MAST4: variants seen among roughly 807,000 people sequenced by gnomAD.
The protein encoded by MAST4 is microtubule associated serine/threonine kinase family member 4, also known as microtubule-associated serine/threonine-protein kinase 4.
MAST4 carries 89 observed loss-of-function variants against 162.7 expected under a neutral mutation model. The observed-to-expected ratio is 0.55, with a 90% CI of 0.46 to 0.65. The LOEUF (loss-of-function observed/expected upper bound fraction) is 0.65, where lower values mean the gene tolerates loss of function less well. Among genes scored for constraint, MAST4 ranks in the 30% least tolerant of loss-of-function variants. The pLI is 0.00. For synonymous variants in MAST4, 1,479 were observed against 1,361.1 expected (o/e 1.09, Z -1.91); for missense variants, 3,153 against 3,374.0 (o/e 0.93, Z 1.62).
chr5:67,005,575 A>G (rs1013669173), intron 4 of MAST4, among the ~76,000 whole-genome samples: 6 of 152,252 alleles, frequency 3.9e-5, no homozygotes, highest in Admixed American at 6.5e-5. Context: ...GCAGATCTAC[A>G]TAACTTTGTC....
intron 5 of MAST4, among the ~76,000 whole-genome samples, chr5:67,062,744 C>G (rs1293460940): frequency 6.6e-6 from 1 of 152,106 alleles, no homozygotes; most frequent in Non-Finnish European, 1.5e-5. Flanking sequence ...ACCACTGTTT[C>G]TTTAAAATAA....
chr5:66,991,919 T>G (rs927586451), intron 4 of MAST4, among the ~76,000 whole-genome samples: 1 of 152,206 alleles, frequency 6.6e-6, no homozygotes, highest in Non-Finnish European at 1.5e-5. Context: ...CAAGCAGTGT[T>G]ATTTGAAGGT....
intron 1 of MAST4, among the ~76,000 whole-genome samples, chr5:66,689,431 A>C (rs1748896866): frequency 1.3e-5 from 2 of 151,966 alleles, no homozygotes; most frequent in South Asian, 4.2e-4. Context: ...GCTTTTGCCT[A>C]CTCTTGCCAT....
In MAST4 at chr5:67,166,600, A is replaced by T. The variant is rs1238533163; in HGVS notation, c.7421A>T (p.Glu2474Val). Residue 2474 changes from glutamate to valine, a missense_variant, in exon 29 of 29, where the codon GAG becomes GTG. Physicochemically the swap from Glu to Val is moderately radical, Grantham distance 121 (BLOSUM62 -2). Around this residue, in one of 7 missense-constraint regions of MAST4, gnomAD observed 1,644 missense variants for 1,495.0 expected, o/e 1.10. Coordinates refer to ENST00000403625, the MANE Select transcript of MAST4 (RefSeq NM_001164664.2). The part of the protein sequence containing the change: ...SFPETRAGVR[E>V]ASAASSDTSS... ...CCTGAAACCAGGGCCGGAGTTAGAG[A>T]GGCCTCTGCAGCCAGCAGCGACACC... 3 of 1,601,118 alleles carry T rather than the reference A, an allele frequency of 1.9e-6. No homozygotes were observed. In the African/African-American group the frequency reaches 4.0e-5, roughly 21 times the overall value.
intron 2 of MAST4, among the ~76,000 whole-genome samples, chr5:66,778,268 TA>T (rs1754695401): frequency 6.6e-6 from 1 of 152,240 alleles, no homozygotes; most frequent in South Asian, 2.1e-4. Flanking sequence ...AACCATTATT[TA>T]TTTTTTGATA....
chr5:66,940,051 A>G (rs1376805912), intron 4 of MAST4, among the ~76,000 whole-genome samples: 3 of 152,128 alleles, frequency 2.0e-5, no homozygotes, highest in Non-Finnish European at 4.4e-5. Context: ...TGAGCAACAG[A>G]GCAAGACCCT....
chr5:66,808,233 T>TA (rs1171431783), intron 3 of MAST4, among the ~76,000 whole-genome samples: 19 of 152,184 alleles, frequency 1.2e-4, no homozygotes, highest in Non-Finnish European at 8.8e-5. Context: ...GGTAGTTTTT[T>TA]ACAGGACTGC....
Position 67,113,035 on chromosome 5 carries a change from C to T in MAST4, c.1459-1052C>T, listed in dbSNP as rs532023364. On this transcript the variant is annotated intron_variant, in intron 11 of 28. Coordinates refer to ENST00000403625, the MANE Select transcript of MAST4 (RefSeq NM_001164664.2). The stretch of plus-strand genomic sequence containing the variant: ...TATTTCAAAAAACAGGGATGAAGGC[C>T]AGGTGTGGTGGCTCACGCCTGTAAT... 2.0e-5 allele frequency among the ~76,000 whole-genome samples: 3 copies of T among 152,218 alleles called. No homozygotes were observed. In the Middle Eastern group the frequency reaches 0.01, roughly 518 times the overall value.
At chr5:66,771,225 C>T (rs34988962) in intron 2 of MAST4, among the ~76,000 whole-genome samples, 110 of 152,074 alleles carry the variant, frequency 7.2e-4, no homozygotes, top group Non-Finnish European at 1.4e-3. Context: ...CACTCTGTCG[C>T]CCAGGCTGGA....
rs1774371088 is a variant in MAST4, at chr5:67,169,386, C to T, written c.*2335C>T. On this transcript the variant is annotated 3_prime_UTR_variant, in exon 29 of 29. Transcript: ENST00000403625. Reference sequence around the variant, plus strand: ...CCTCATTGTGTTCTATTTGGTCAGTCTCTGTGTGATTGTAGGATGTGCTCC... The same window carrying T: ...CCTCATTGTGTTCTATTTGGTCAGTTTCTGTGTGATTGTAGGATGTGCTCC... 6.6e-6 allele frequency: 1 copy of T among 152,152 alleles called. No individual in the cohort carries two copies. Among genetic ancestry groups the T allele is most frequent in the South Asian group, 2.1e-4 (1 of 4,834 alleles). The allele number at this position is 152,152 out of a possible 1,614,324, so 9.4% of individuals were successfully genotyped here.
intron 1 of MAST4, among the ~76,000 whole-genome samples, chr5:66,597,989 A>C (rs943046385): frequency 6.6e-6 from 1 of 152,178 alleles, no homozygotes; most frequent in Admixed American, 6.5e-5. Flanking sequence ...ACCTTAACAT[A>C]GACTTATTGT....
chr5:67,137,804 CT>C (rs1769859896), intron 19 of MAST4, among the ~76,000 whole-genome samples: 1 of 152,206 alleles, frequency 6.6e-6, no homozygotes, highest in African/African-American at 2.4e-5. Flanking sequence ...TATTGTATGG[CT>C]GCTTTCATGC....
chr5:66,806,139 T>C lies in MAST4; in HGVS notation c.642+17345T>C, dbSNP rs548945541. 3.3e-5 allele frequency among the ~76,000 whole-genome samples: 5 copies of C among 152,308 alleles called. No homozygotes were observed. The South Asian group carries it at 8.3e-4, about 25-fold the overall frequency. On this transcript the variant is annotated intron_variant, in intron 3 of 28. Coordinates refer to ENST00000403625, the MANE Select transcript of MAST4 (RefSeq NM_001164664.2). The stretch of plus-strand genomic sequence containing the variant: ...CTACCCTGAGTTATTCAGAACATCC[T>C]CTGCCTCTTGTGCTGATGAGAAGGA...
intron 1 of MAST4, among the ~76,000 whole-genome samples, chr5:66,749,382 C>T (rs190683726): frequency 9.9e-5 from 15 of 152,248 alleles, no homozygotes; most frequent in East Asian, 1.9e-4. Context: ...GTAGCATAGG[C>T]GATCACACCC....
chr5:66,835,855 A>T (rs757010137), intron 3 of MAST4, among the ~76,000 whole-genome samples: 2 of 152,156 alleles, frequency 1.3e-5, no homozygotes, highest in Non-Finnish European at 2.9e-5. Flanking sequence ...TTAACACAAA[A>T]TTGCCTTCAT....
intron 1 of MAST4, among the ~76,000 whole-genome samples, chr5:66,668,747 CAG>C (rs1310215369): frequency 4.6e-5 from 7 of 152,330 alleles, no homozygotes; most frequent in South Asian, 2.1e-4. Context: ...TTCAGGACAT[CAG>C]ACTTTCTCAA....
At chr5:66,850,727 C>T (rs1157411687) in intron 3 of MAST4, among the ~76,000 whole-genome samples, 50 of 152,136 alleles carry the variant, frequency 3.3e-4, no homozygotes, top group Admixed American at 3.3e-3. Context: ...ATTCCCAAAT[C>T]TCCTGAAATT....
intron 1 of MAST4, among the ~76,000 whole-genome samples, chr5:66,675,649 G>C (rs1161689351): frequency 6.6e-5 from 10 of 152,168 alleles, no homozygotes; most frequent in Non-Finnish European, 4.4e-5. Context: ...ACATCACGGG[G>C]AGGCTCATCA....
intron 5 of MAST4, among the ~76,000 whole-genome samples, chr5:67,069,980 C>T (rs758855869): frequency 2.6e-4 from 39 of 150,026 alleles, no homozygotes; most frequent in Non-Finnish European, 4.7e-4. Flanking sequence ...CTTAAATAGG[C>T]CAAATGCAGG....
Sources: allele counts gnomAD v4.1 joint callset (sites outside exome capture counted in the v4.1 genomes callset), GRCh38; gene constraint gnomAD v4.1.1; regional missense constraint gnomAD v4.1.1; transcripts MANE v1.5; gene names NCBI Gene and HGNC (gene_info 2026-07-23, HGNC 2026-07-21).